NCOA7: variants seen among roughly 807,000 people sequenced by gnomAD.
NCOA7 encodes nuclear receptor coactivator 7.
Under a neutral mutation model 104.3 loss-of-function variants are expected in NCOA7, and 45 were observed. The observed-to-expected ratio is 0.43, with a 90% confidence interval of 0.34 to 0.55. NCOA7 has a LOEUF of 0.55. Among genes scored for constraint, NCOA7 ranks in the 20% least tolerant of loss-of-function variants. The probability of loss-of-function intolerance (pLI) is 0.02; values close to 1 mark genes in which losing one functional copy is unlikely to be tolerated. For synonymous variants in NCOA7, 398 were observed against 402.3 expected (o/e 0.99, Z 0.13); for missense variants, 1,041 against 1,119.7 (o/e 0.93, Z 1.00).
At chr6:125,905,521 C>T (rs951720118) in intron 10 of NCOA7, among the ~76,000 whole-genome samples, 3 of 152,106 alleles carry the variant, frequency 2.0e-5, no homozygotes, top group Admixed American at 6.5e-5. Flanking sequence ...TTCGGCCTCC[C>T]GAAGTGCTGG....
intron 1 of NCOA7, among the ~76,000 whole-genome samples, chr6:125,802,925 C>T (rs1776042491): frequency 6.6e-6 from 1 of 152,186 alleles, no homozygotes; most frequent in South Asian, 2.1e-4. Context: ...ATATTCCCTG[C>T]TGCTTAGACA....
At chr6:125,856,414 G>A (rs1319393701) in intron 3 of NCOA7, among the ~76,000 whole-genome samples, 3 of 151,780 alleles carry the variant, frequency 2.0e-5, no homozygotes, top group African/African-American at 7.3e-5. Context: ...GTGCAGTGGC[G>A]CGATCTCGGC....
chr6:125,789,701 C>T (rs1237682339), upstream of NCOA7, among the ~76,000 whole-genome samples: 1 of 152,208 alleles, frequency 6.6e-6, no homozygotes, highest in African/African-American at 2.4e-5. Context: ...ATTTGCAAGA[C>T]AGTATAACAT....
intron 5 of NCOA7, among the ~76,000 whole-genome samples, chr6:125,880,365 A>G (rs1373638928): frequency 2.0e-5 from 3 of 151,964 alleles, no homozygotes; most frequent in African/African-American, 7.3e-5. Context: ...CCCTTATACT[A>G]TTAGTCTCCC....
chr6:125,785,339 A>C (rs752283563), intron 1 of NCOA7, among the ~76,000 whole-genome samples: 3 of 152,228 alleles, frequency 2.0e-5, no homozygotes, highest in Non-Finnish European at 2.9e-5. Flanking sequence ...CTCTGTCTCA[A>C]GAAAAAAAAC....
chr6:125,893,178 T>C (rs1784754553), intron 10 of NCOA7, among the ~76,000 whole-genome samples: 1 of 152,202 alleles, frequency 6.6e-6, no homozygotes, highest in South Asian at 2.1e-4. Flanking sequence ...ATGTTTCTAC[T>C]TGCCTTTCTG....
intron 2 of NCOA7, among the ~76,000 whole-genome samples, chr6:125,854,130 C>CA (rs1282626855): frequency 6.6e-6 from 1 of 152,132 alleles, no homozygotes; most frequent in Non-Finnish European, 1.5e-5. Context: ...GGAAAAGGGA[C>CA]ATAATTTTAA....
chr6:125,905,221 A>G (rs906780458), intron 10 of NCOA7, among the ~76,000 whole-genome samples: 1 of 151,888 alleles, frequency 6.6e-6, no homozygotes, highest in East Asian at 1.9e-4. Flanking sequence ...TGAGAAGATC[A>G]GCTTCACTAG....
intron 11 of NCOA7, among the ~76,000 whole-genome samples, chr6:125,919,809 G>T (rs1361587462): frequency 6.6e-6 from 1 of 152,166 alleles, no homozygotes; most frequent in East Asian, 1.9e-4. Context: ...TGTAAATCTG[G>T]CTCAGACGCC....
chr6:125,879,607 G>A (rs559121370), intron 5 of NCOA7, among the ~76,000 whole-genome samples: 27 of 152,230 alleles, frequency 1.8e-4, no homozygotes, highest in African/African-American at 6.5e-4. Context: ...TAAATGACTG[G>A]AAAGATAGGA....
intron 14 of NCOA7, 69 bp downstream of exon 14, chr6:125,927,827 A>G: frequency 7.9e-7 from 1 of 1,271,684 alleles, no homozygotes; most frequent in Non-Finnish European, 1.2e-6. Context: ...GGGGATAGGC[A>G]TTGGGGCAGC....
chr6:125,916,148 T>C (rs189925190), intron 11 of NCOA7, among the ~76,000 whole-genome samples: 197 of 152,230 alleles, frequency 1.3e-3, no homozygotes, highest in Non-Finnish European at 1.5e-3. Context: ...CTCATGATAG[T>C]GAGGGAGTTC....
intron 12 of NCOA7, 106 bp downstream of exon 12, chr6:125,921,174 C>T (rs1787547054): frequency 2.4e-5 from 33 of 1,399,648 alleles, no homozygotes; most frequent in African/African-American, 2.9e-5. Context: ...CTTTGGGAGG[C>T]CAAGGCAGGC....
chr6:125,903,708 T>C (rs376299189), intron 10 of NCOA7, among the ~76,000 whole-genome samples: 1 of 119,552 alleles, frequency 8.4e-6, no homozygotes, highest in East Asian at 2.7e-4. Flanking sequence ...TTTACTACCT[T>C]CTTTTTTTTT....
chr6:125,904,667 T>C (rs893097979), intron 10 of NCOA7, among the ~76,000 whole-genome samples: 1 of 152,138 alleles, frequency 6.6e-6, no homozygotes, highest in Admixed American at 6.5e-5. Context: ...ATTCTTAATT[T>C]AAAAAGAAAG....
intron 2 of NCOA7, among the ~76,000 whole-genome samples, chr6:125,820,135 C>G (rs1005563136): frequency 6.6e-6 from 1 of 152,148 alleles, no homozygotes; most frequent in Non-Finnish European, 1.5e-5. Flanking sequence ...CTTAACCCAG[C>G]CTTTCAGAGC....
chr6:125,852,928 A>G (rs1044779480), intron 2 of NCOA7, among the ~76,000 whole-genome samples: 1 of 152,094 alleles, frequency 6.6e-6, no homozygotes, highest in Non-Finnish European at 1.5e-5. Context: ...TTGGTTCCAT[A>G]TGAGTTTTAA....
At chr6:125,782,033 G>T (rs1234186086) in intron 1 of NCOA7, among the ~76,000 whole-genome samples, 2 of 151,850 alleles carry the variant, frequency 1.3e-5, no homozygotes, top group Non-Finnish European at 1.5e-5. Flanking sequence ...TTCTGTAAAT[G>T]CAGGATCCAC....
intron 7 of NCOA7, among the ~76,000 whole-genome samples, chr6:125,884,687 A>G (rs1026060931): frequency 6.6e-6 from 1 of 152,220 alleles, no homozygotes; most frequent in African/African-American, 2.4e-5. Context: ...TATTGGGACT[A>G]TTCTTTGGCA....
Sources: allele counts gnomAD v4.1 joint callset (sites outside exome capture counted in the v4.1 genomes callset), GRCh38; gene constraint gnomAD v4.1.1; transcripts MANE v1.5; gene names NCBI Gene and HGNC (gene_info 2026-07-23, HGNC 2026-07-21).